PCBP3: variants seen among roughly 807,000 people sequenced by gnomAD.
PCBP3 encodes the protein poly(rC) binding protein 3, also known as poly(rC)-binding protein 3.
In PCBP3, 25 loss-of-function variants were observed where a neutral mutation model predicts 52.7. The ratio of observed to expected loss-of-function variants is 0.47; its 90% CI spans 0.35 to 0.66. PCBP3 has a LOEUF of 0.66. PCBP3 is among the 30% of genes least tolerant of loss of function. The pLI is 0.01. For synonymous variants in PCBP3, 162 were observed against 183.0 expected (o/e 0.89, Z 0.93); for missense variants, 391 against 490.3 (o/e 0.80, Z 1.91).
chr21:45,841,932 C>G (rs2093707546), intron 4 of PCBP3, among the ~76,000 whole-genome samples: 2 of 152,252 alleles, frequency 1.3e-5, no homozygotes. Flanking sequence ...CAGCCTCTCA[C>G]TCTCCACGCT....
intron 17 of PCBP3, among the ~76,000 whole-genome samples, chr21:45,940,878 A>G (rs371971458): frequency 6.8e-6 from 1 of 146,478 alleles, no homozygotes; most frequent in Non-Finnish European, 1.5e-5. Context: ...TCTCTCCCCA[A>G]GGATGTCCTA....
chr21:45,782,781 A>G (rs965539811), intron 4 of PCBP3, among the ~76,000 whole-genome samples: 18 of 152,366 alleles, frequency 1.2e-4, no homozygotes, highest in Middle Eastern at 3.4e-3. Context: ...CCAAAGACAA[A>G]AAAAATCTTA....
At chr21:45,806,788 C>T (rs1467190020) in intron 4 of PCBP3, among the ~76,000 whole-genome samples, 2 of 152,020 alleles carry the variant, frequency 1.3e-5, no homozygotes, top group African/African-American at 4.8e-5. Flanking sequence ...ATTCAGAATT[C>T]CACTTCTGGT....
intron 2 of PCBP3, among the ~76,000 whole-genome samples, chr21:45,730,461 C>T (rs1256436708): frequency 6.6e-6 from 1 of 151,840 alleles, no homozygotes; most frequent in Non-Finnish European, 1.5e-5. Context: ...CAGAATATTA[C>T]CTTTGAAAAT....
At chr21:45,851,292 A>G (rs1348087110) in intron 5 of PCBP3, among the ~76,000 whole-genome samples, 1 of 152,214 alleles carries the variant, frequency 6.6e-6, no homozygotes, top group Non-Finnish European at 1.5e-5. Context: ...AGGTGGGTAG[A>G]TCAAGAGGTC....
At chr21:45,769,585 C>A (rs573852126) in intron 4 of PCBP3, among the ~76,000 whole-genome samples, 2 of 152,262 alleles carry the variant, frequency 1.3e-5, no homozygotes, top group South Asian at 4.1e-4. Flanking sequence ...GAGGAGAGAA[C>A]TGGTGTCTGG....
chr21:45,652,161 A>G (rs780985763), intron 1 of PCBP3, among the ~76,000 whole-genome samples: 1 of 152,196 alleles, frequency 6.6e-6, no homozygotes, highest in Non-Finnish European at 1.5e-5. Flanking sequence ...TATTATTCAG[A>G]CAGAATGGCT....
chr21:45,911,001 G>C lies in PCBP3; in HGVS notation c.571G>C (p.Val191Leu). Residue 191 changes from valine to leucine, a missense_variant, in exon 11 of 18, where the codon GTC becomes CTC. Physicochemically the swap from Val to Leu is conservative, Grantham distance 32. Transcript: ENST00000681687. The stretch of plus-strand genomic sequence containing the variant: ...GACCCCAGATGCCATCATCCAGTGC[G>C]TCAAGCAGATCTGTGTGGTCATGCT... Reference protein sequence around the residue: ...SGTPDAIIQCVKQICVVMLES... With the variant: ...SGTPDAIIQCLKQICVVMLES... 1 of 1,611,654 alleles carries C rather than the reference G, an allele frequency of 6.2e-7. No homozygotes were observed. Among genetic ancestry groups the C allele is most frequent in the Non-Finnish European group, 8.5e-7 (1 of 1,179,950 alleles).
At chr21:45,868,228 T>C (rs2150454) in intron 5 of PCBP3, among the ~76,000 whole-genome samples, 121,582 of 152,122 alleles carry the variant, frequency 0.8, 49,482 homozygotes, top group East Asian at 1. Context: ...GGAGAGAGCC[T>C]AGGGACAGGG....
At chr21:45,925,036 GAGTGGGTAGAAA>G in intron 13 of PCBP3, among the ~76,000 whole-genome samples, 1 of 93,872 alleles carries the variant, frequency 1.1e-5, no homozygotes, top group African/African-American at 5.2e-5. Flanking sequence ...GGGAACAGTC[GAGTGGGTAGAAA>G]CAGCACACGT....
chr21:45,721,281 CG>C (rs1391753796), intron 2 of PCBP3, among the ~76,000 whole-genome samples: 4 of 151,940 alleles, frequency 2.6e-5, no homozygotes, highest in Non-Finnish European at 5.9e-5. Context: ...GGCATGGTGG[CG>C]GGTGCCTGTA....
chr21:45,819,471 C>T (rs373065660), intron 4 of PCBP3, among the ~76,000 whole-genome samples: 1 of 152,204 alleles, frequency 6.6e-6, no homozygotes, highest in Non-Finnish European at 1.5e-5. Context: ...ATCAAGTAAG[C>T]GGATGCAGGT....
At chr21:45,751,378 C>A (rs1427690553) in intron 3 of PCBP3, 1 of 152,068 alleles carries the variant, frequency 6.6e-6, no homozygotes, top group Non-Finnish European at 1.5e-5. Flanking sequence ...TGTTTTTAAG[C>A]GTATAATTCA....
At chr21:45,841,047 T>C (rs1021859407) in intron 4 of PCBP3, among the ~76,000 whole-genome samples, 76 of 152,250 alleles carry the variant, frequency 5.0e-4, no homozygotes, top group African/African-American at 1.8e-3. Flanking sequence ...TGTACCGCTT[T>C]GTAGCCTAGG....
At chr21:45,857,796 T>A (rs926719765) in intron 5 of PCBP3, among the ~76,000 whole-genome samples, 1 of 152,236 alleles carries the variant, frequency 6.6e-6, no homozygotes, top group African/African-American at 2.4e-5. Context: ...GGAGCCAGCA[T>A]GTACCAGTGA....
chr21:45,768,882 G>T (rs891181985), intron 4 of PCBP3, among the ~76,000 whole-genome samples: 11 of 152,214 alleles, frequency 7.2e-5, no homozygotes, highest in African/African-American at 2.2e-4. Context: ...TCCACGACAG[G>T]CACCTCTGCC....
Position 45,817,504 on chromosome 21 carries a change from C to A in PCBP3, c.-125-32457C>A, listed in dbSNP as rs955401443. 1.3e-5 allele frequency among the ~76,000 whole-genome samples: 2 copies of A among 152,250 alleles called. No homozygotes were observed. Among genetic ancestry groups the A allele is most frequent in the Admixed American group, 6.5e-5 (1 of 15,290 alleles). ...GCTCTTGCCTCTGCTGTCCCCATCT[C>A]CCATATTCCAGCTGCTGCCGCAGCC... On this transcript the variant is annotated intron_variant, in intron 4 of 17. Coordinates refer to ENST00000681687, the MANE Select transcript of PCBP3 (RefSeq NM_001384156.1). The surrounding 1 kb of genome is among the most constrained non-coding windows in gnomAD (Gnocchi z 4.3).
chr21:45,798,936 T>G, intron 4 of PCBP3, among the ~76,000 whole-genome samples: 1 of 125,272 alleles, frequency 8.0e-6, no homozygotes, highest in African/African-American at 2.9e-5. Context: ...TGAATGGATG[T>G]GTACATGGAT....
chr21:45,694,825 T>A (rs1299072179), intron 2 of PCBP3, among the ~76,000 whole-genome samples: 1 of 152,218 alleles, frequency 6.6e-6, no homozygotes, highest in East Asian at 1.9e-4. Flanking sequence ...AGTGGAGGAA[T>A]AAATCATATT....
Sources: allele counts gnomAD v4.1 joint callset (sites outside exome capture counted in the v4.1 genomes callset), GRCh38; gene constraint gnomAD v4.1.1; non-coding constraint Gnocchi (gnomAD v3.1); transcripts MANE v1.5; gene names NCBI Gene and HGNC (gene_info 2026-07-23, HGNC 2026-07-21).